KIF3C: variants seen among roughly 807,000 people sequenced by gnomAD.
KIF3C encodes kinesin family member 3C, also known as kinesin-like protein KIF3C.
KIF3C carries 12 observed loss-of-function variants against 67.7 expected under a neutral mutation model. The observed-to-expected ratio is 0.18, with a 90% CI of 0.11 to 0.29. The LOEUF is 0.29. Ranked by LOEUF, KIF3C falls within the 10% of genes least tolerant of loss-of-function variation. KIF3C has a pLI of 1.00. For missense variants in KIF3C, 789 were observed against 1,059.6 expected, an observed-to-expected ratio of 0.74 and a Z score of 3.55; for synonymous variants, 393 against 426.2, an observed-to-expected ratio of 0.92 and a Z score of 0.96.
chr2:25,963,048 A>AATATATATAATATATAATATATAATATAT (rs1664038077), intron 1 of KIF3C, among the ~76,000 whole-genome samples: 1 of 78,454 alleles, frequency 1.3e-5, no homozygotes, highest in African/African-American at 5.6e-5. Context: ...TATAATATAT[A>AATATATATAATATATAATATATAATATAT]AATATATAAA....
At chr2:25,945,719 T>C (rs1574483367) in intron 5 of KIF3C, among the ~76,000 whole-genome samples, 1 of 152,096 alleles carries the variant, frequency 6.6e-6, no homozygotes, top group East Asian at 1.9e-4. Context: ...CGAGCTATCA[T>C]GGTGCCAGTG....
At chr2:25,960,136 G>A (rs1663908470) in intron 1 of KIF3C, among the ~76,000 whole-genome samples, 1 of 152,184 alleles carries the variant, frequency 6.6e-6, no homozygotes, top group Non-Finnish European at 1.5e-5. Context: ...AGGTGTGGTG[G>A]CTTATGCCTG....
At chr2:25,965,506 G>A (rs534199169) in intron 1 of KIF3C, among the ~76,000 whole-genome samples, 10 of 151,566 alleles carry the variant, frequency 6.6e-5, no homozygotes, top group Admixed American at 2.0e-4. Context: ...ACGGGATCTC[G>A]CTCTGTTGTC....
chr2:25,947,840 A>G (rs60059397), intron 5 of KIF3C, among the ~76,000 whole-genome samples: 29,592 of 152,068 alleles, frequency 0.19, 3,393 homozygotes, highest in African/African-American at 0.32. Context: ...CATAATGAAA[A>G]CATTGTTTGC....
chr2:25,980,482 C>T lies in KIF3C; in HGVS notation c.1436G>A (p.Arg479His), dbSNP rs373846303. 7.7e-5 allele frequency: 124 copies of T among 1,614,028 alleles called. No homozygotes were observed. Among genetic ancestry groups the T allele is most frequent in the Non-Finnish European group, 9.5e-5 (112 of 1,180,030 alleles). The part of the protein sequence containing the change: ...EEEKAAIQDD[R>H]SLVSEEKQKL... ...CTGCTTCTCCTCGCTCACCAGGCTG[C>T]GGTCATCCTGGATGGCTGCCTTCTC... The change falls in exon 1 of 8, where the codon CGC (arginine) becomes CAC (histidine). Residue 479 changes from arginine to histidine, a missense_variant. By Grantham distance (29) the Arg-to-His change is conservative (BLOSUM62 0). Around this residue, in one of 2 missense-constraint regions of KIF3C, gnomAD observed 648 missense variants for 807.8 expected, o/e 0.80. Transcript: ENST00000264712. The surrounding 1 kb of genome is among the most constrained non-coding windows in gnomAD (Gnocchi z 7.6).
intron 5 of KIF3C, among the ~76,000 whole-genome samples, chr2:25,940,361 A>G (rs1663250170): frequency 6.6e-6 from 1 of 152,064 alleles, no homozygotes; most frequent in Non-Finnish European, 1.5e-5. Context: ...ACCTGAGGTC[A>G]GGGGTTTGAG....
chr2:25,938,031 G>A (rs1286974119), intron 5 of KIF3C, among the ~76,000 whole-genome samples: 6 of 151,760 alleles, frequency 4.0e-5, no homozygotes, highest in Admixed American at 2.6e-4. Context: ...TCCAGCCTGG[G>A]TGACAGAGCG....
intron 5 of KIF3C, among the ~76,000 whole-genome samples, chr2:25,940,254 T>C (rs1018387581): frequency 1.3e-5 from 2 of 152,156 alleles, no homozygotes; most frequent in East Asian, 1.9e-4. Context: ...ATGAAAAAAT[T>C]TGGGTTCAGA....
At position 25,954,389 on chromosome 2, in the gene KIF3C, G is replaced by C. The variant is rs1453763033; in HGVS notation, c.1771-4C>G. On this transcript the variant is annotated splice_polypyrimidine_tract_variant and splice_region_variant and intron_variant, in intron 3 of 7. Transcript: ENST00000264712. ...CCGCCTGCAGCTTGGCGTAGAGCTG[G>C]GTGGGGACAGGTGCCACTCAGAGGC... 1 of 1,608,476 alleles carries C rather than the reference G, an allele frequency of 6.2e-7. No homozygotes were observed. The highest frequency in any genetic ancestry group is 8.5e-7 in the Non-Finnish European group (1 of 1,175,962).
At chr2:25,930,106 C>T in intron 5 of KIF3C, 43 bp from the exon 6 acceptor site, 2 of 1,490,692 alleles carry the variant, frequency 1.3e-6, no homozygotes, top group South Asian at 1.1e-5. Context: ...CTGTGGAACA[C>T]AAACAGCAAA....
intron 1 of KIF3C, among the ~76,000 whole-genome samples, chr2:25,963,804 T>C (rs1365602106): frequency 6.6e-6 from 1 of 151,650 alleles, no homozygotes; most frequent in African/African-American, 2.4e-5. Context: ...GCGACTCTCC[T>C]GCCTCAGCCT....
rs568778089 is a variant in KIF3C at position 25,974,297 on chromosome 2, T to C, written c.1545+6076A>G. Among the ~76,000 whole-genome samples, 6 of 152,310 alleles carry C rather than the reference T, an allele frequency of 3.9e-5. No homozygotes were observed. The East Asian group carries it at 1.2e-3, about 29-fold the overall frequency. On this transcript the variant is annotated intron_variant, in intron 1 of 7. Transcript: ENST00000264712. Reference sequence around the variant, plus strand: ...GTTGTCCAGGCTGGTCTCAGTCTCCTGACCTCGTGATCCACCCACCTCGGC... The same window carrying C: ...GTTGTCCAGGCTGGTCTCAGTCTCCCGACCTCGTGATCCACCCACCTCGGC...
At chr2:25,930,762 C>A (rs1254648570) in intron 5 of KIF3C, among the ~76,000 whole-genome samples, 1 of 152,134 alleles carries the variant, frequency 6.6e-6, no homozygotes, top group Non-Finnish European at 1.5e-5. Context: ...TGGTCTCGAA[C>A]TCCCGACCTC....
intron 4 of KIF3C, among the ~76,000 whole-genome samples, chr2:25,952,561 ATATTT>A (rs1204710214): frequency 0.025 from 2,174 of 86,230 alleles, 53 homozygotes; most frequent in African/African-American, 0.097. Context: ...ATATATATAT[ATATTT>A]TTTTTTTTTT....
rs1177506175 is a variant in KIF3C, at chr2:25,981,904, G to T, written c.14C>A (p.Thr5Asn). MASK[T>N]KASEALKVVA... is the part of the protein sequence containing the mutation. The stretch of plus-strand genomic sequence containing the variant: ...CACCTTGAGGGCCTCGCTGGCCTTG[G>T]TCTTACTGGCCATCTTGCTGCTCTG... The change falls in exon 1 of 8, where the codon ACC becomes AAC. Residue 5 changes from threonine to asparagine, a missense_variant. Transcript: ENST00000264712. The surrounding 1 kb of genome is among the most constrained non-coding windows in gnomAD (Gnocchi z 8.2). The T allele has an allele frequency of 1.9e-6, 3 of 1,554,204 alleles. No individual in the cohort carries two copies. The highest frequency in any genetic ancestry group is 1.7e-6 in the Non-Finnish European group (2 of 1,152,904).
intron 4 of KIF3C, among the ~76,000 whole-genome samples, chr2:25,952,547 GTGTA>G (rs57884483): frequency 0.035 from 3,279 of 94,408 alleles, 62 homozygotes; most frequent in East Asian, 0.12. Context: ...GTGTGTGTGT[GTGTA>G]TATATATATA....
At chr2:25,978,193 G>A (rs2149244762) in intron 1 of KIF3C, among the ~76,000 whole-genome samples, 1 of 152,246 alleles carries the variant, frequency 6.6e-6, no homozygotes, top group East Asian at 1.9e-4. Context: ...CTGGGTTCCA[G>A]TCCTGGCTCT....
chr2:25,956,352 A>G lies in KIF3C; in HGVS notation c.1638T>C (p.Ile546=). 6.2e-7 allele frequency: 1 copy of G among 1,614,010 alleles called. No individual in the cohort carries two copies. The highest frequency in any genetic ancestry group is 8.5e-7 in the Non-Finnish European group (1 of 1,179,912). ...CACCTGGAGGCCCTACCTGCTCGGC[A>G]ATCTCCTGCCTCTTCAGTTCCAACA... is the stretch of plus-strand genomic sequence containing the variant. ...QKMLELKRQE[I]AEQKRREREM... The change falls in exon 2 of 8, where the codon ATT becomes ATC. Residue 546 remains isoleucine (I), a synonymous_variant. Coordinates refer to ENST00000264712, the MANE Select transcript of KIF3C (RefSeq NM_002254.8).
intron 5 of KIF3C, among the ~76,000 whole-genome samples, chr2:25,941,556 TAAA>T (rs1188342002): frequency 2.2e-5 from 3 of 137,074 alleles, no homozygotes; most frequent in African/African-American, 2.7e-5. Flanking sequence ...TGTCTCTATT[TAAA>T]AAAAAAAAAA....
Sources: allele counts gnomAD v4.1 joint callset (sites outside exome capture counted in the v4.1 genomes callset), GRCh38; gene constraint gnomAD v4.1.1; regional missense constraint gnomAD v4.1.1; non-coding constraint Gnocchi (gnomAD v3.1); transcripts MANE v1.5; gene names NCBI Gene and HGNC (gene_info 2026-07-23, HGNC 2026-07-21).